The following INTS10 variants were observed in gnomAD, a reference collection of about 807,000 sequenced individuals.
INTS10 encodes the protein integrator complex subunit 10.
Under a neutral mutation model 94.4 loss-of-function variants are expected in INTS10, and 44 were observed. The ratio of observed to expected loss-of-function variants is 0.47; its 90% CI spans 0.37 to 0.60. The LOEUF is 0.60. Among genes scored for constraint, INTS10 ranks in the 20% least tolerant of loss-of-function variants. The pLI is 0.00. For missense variants in INTS10, 797 were observed against 868.7 expected (o/e 0.92, Z 1.04); for synonymous variants, 341 against 320.7 (o/e 1.06, Z -0.68).
At position 19,817,450 on chromosome 8, in the gene INTS10, G is replaced by T. The variant is rs975950208; in HGVS notation, c.-88G>T. The T allele has an allele frequency of 4.0e-6, 6 of 1,517,470 alleles. No homozygotes were observed. The highest frequency in any genetic ancestry group is 4.8e-5 in the East Asian group (2 of 41,790). 94.0% of individuals were successfully genotyped at this position (1,517,470 alleles called of 1,614,324 possible). A position where few individuals can be genotyped will look rare whatever the true frequency, so the allele number is the denominator to read the frequency against. ...CAGTAGCCTCCCCCGCGGTGGCGGC[G>T]GCGGCGGCGGTGGCTGCCGTGGCGG... On this transcript the variant is annotated 5_prime_UTR_variant, in exon 1 of 17. Coordinates refer to ENST00000397977, the MANE Select transcript of INTS10 (RefSeq NM_018142.4).
chr8:19,847,950 C>T lies in INTS10; in HGVS notation c.1976+2153C>T, dbSNP rs541809369. Among the ~76,000 whole-genome samples, 5 of 152,280 alleles carry T rather than the reference C, an allele frequency of 3.3e-5. No individual in the cohort carries two copies. The South Asian group carries it at 1.0e-3, about 32-fold the overall frequency. On this transcript the variant is annotated intron_variant, in intron 16 of 16. Transcript: ENST00000397977. ...TTCTAACTTTCTATAGAAGACAAGC[C>T]TCTTAGGAAGGCTGCAGTTTCATCA...
intron 12 of INTS10, among the ~76,000 whole-genome samples, chr8:19,835,425 G>C (rs186771536): frequency 4.6e-5 from 7 of 152,132 alleles, no homozygotes; most frequent in Admixed American, 4.6e-4. Context: ...GTTTGAGTTA[G>C]GGAAAAAAGT....
intron 12 of INTS10, among the ~76,000 whole-genome samples, chr8:19,835,384 A>G (rs1032506965): frequency 6.6e-6 from 1 of 152,088 alleles, no homozygotes; most frequent in Non-Finnish European, 1.5e-5. Context: ...GGGTGTGGGG[A>G]ATATGGGAAC....
chr8:19,831,902 ATCAAAG>A (rs2067254920), intron 10 of INTS10, 120 bp from the exon 11 acceptor site: 1 of 660,828 alleles, frequency 1.5e-6, no homozygotes, highest in Admixed American at 2.2e-5. Context: ...TGTGTTAGAA[ATCAAAG>A]TCAAAGTTAC....
intron 12 of INTS10, among the ~76,000 whole-genome samples, chr8:19,835,439 A>C (rs2067575179): frequency 6.6e-6 from 1 of 152,182 alleles, no homozygotes; most frequent in African/African-American, 2.4e-5. Context: ...AAAAAGTATA[A>C]GTGTTTGTAT....
intron 6 of INTS10, 28 bp downstream of exon 6, chr8:19,823,469 T>G (rs751735093): frequency 3.5e-6 from 5 of 1,443,710 alleles, no homozygotes; most frequent in Non-Finnish European, 3.9e-6. Context: ...GTACTTTTAC[T>G]TAAATAGGCT....
In INTS10 at chr8:19,851,016, T is replaced by C. The variant is rs1342344905; in HGVS notation, c.1977-633T>C. 1.3e-5 allele frequency among the ~76,000 whole-genome samples: 2 copies of C among 152,098 alleles called. No homozygotes were observed. The highest frequency in any genetic ancestry group is 4.8e-5 in the African/African-American group (2 of 41,404). ...CTCTCTCTCCTGACCTGTGCCACATTCTTGTGTCAGGACCCCACCTCCCGC... is the reference window on the plus strand; with the variant it reads ...CTCTCTCTCCTGACCTGTGCCACATCCTTGTGTCAGGACCCCACCTCCCGC... On this transcript the variant is annotated intron_variant, in intron 16 of 16. Transcript: ENST00000397977. The surrounding 1 kb of genome is among the most constrained non-coding windows in gnomAD (Gnocchi z 5.0).
In INTS10 at chr8:19,849,287, T is replaced by C. The variant is rs1216749827; in HGVS notation, c.1977-2362T>C. 1 of 971,176 alleles carries C rather than the reference T, an allele frequency of 1.0e-6. No individual in the cohort carries two copies. The highest frequency in any genetic ancestry group is 1.4e-5 in the South Asian group (1 of 73,758). The allele number at this position is 971,176 out of a possible 1,614,324, so 60.2% of individuals were successfully genotyped here. A position where few individuals can be genotyped will look rare whatever the true frequency, so the allele number is the denominator to read the frequency against. The stretch of plus-strand genomic sequence containing the variant: ...GCTCATAGTGTGCTGTTTGTCAACA[T>C]GTTCGCTGCCCATGGTTCTCAGCTC... On this transcript the variant is annotated intron_variant, in intron 16 of 16. Transcript: ENST00000397977. The surrounding 1 kb of genome is among the most constrained non-coding windows in gnomAD (Gnocchi z 4.6).
chr8:19,842,153 T>A (rs1440565087), intron 13 of INTS10, among the ~76,000 whole-genome samples: 1 of 152,178 alleles, frequency 6.6e-6, no homozygotes, highest in Non-Finnish European at 1.5e-5. Context: ...ATTGTAATAG[T>A]GAAAAATTGG....
At chr8:19,826,310 G>A (rs189077976) in intron 8 of INTS10, 116 bp from the exon 9 acceptor site, 15 of 1,049,330 alleles carry the variant, frequency 1.4e-5, no homozygotes, top group South Asian at 5.3e-5. Flanking sequence ...TTGAACTCCC[G>A]AGCTCAGGCA....
Position 19,837,151 on chromosome 8 carries a change from T to C in INTS10, c.1630T>C (p.Phe544Leu). The C allele has an allele frequency of 6.3e-7, 1 of 1,598,854 alleles. No homozygotes were observed. Among genetic ancestry groups the C allele is most frequent in the Non-Finnish European group, 8.6e-7 (1 of 1,166,138 alleles). The change falls in exon 13 of 17, where the codon TTT becomes CTT. Residue 544 changes from phenylalanine to leucine, a missense_variant. Transcript: ENST00000397977. ...GGAACCCTCGAAAGTAAAGCCCAAATTTAGAAAAGGTACAGTGACATGTTT... is the reference window on the plus strand; with the variant it reads ...GGAACCCTCGAAAGTAAAGCCCAAACTTAGAAAAGGTACAGTGACATGTTT... ...QEEPSKVKPK[F>L]RKGSDLKLLP...
At chr8:19,827,312 A>G (rs1332945161) in intron 9 of INTS10, among the ~76,000 whole-genome samples, 2 of 152,180 alleles carry the variant, frequency 1.3e-5, no homozygotes, top group East Asian at 1.9e-4. Context: ...GTCCCAGCCC[A>G]AACGAGTCTC....
intron 12 of INTS10, among the ~76,000 whole-genome samples, chr8:19,835,651 G>T (rs568188836): frequency 1.3e-5 from 2 of 152,248 alleles, no homozygotes; most frequent in East Asian, 3.9e-4. Flanking sequence ...ACATCGGTAG[G>T]TTACCTCATC....
In INTS10 at chr8:19,817,665, A is replaced by G; in HGVS notation, c.128A>G (p.Gln43Arg). 2 of 1,605,706 alleles carry G rather than the reference A, an allele frequency of 1.2e-6. No individual in the cohort carries two copies. The highest frequency in any genetic ancestry group is 1.3e-5 in the African/African-American group (1 of 74,846). The change falls in exon 1 of 17, where the codon CAG becomes CGG. Residue 43 changes from glutamine (Q) to arginine (R), a missense_variant and splice_region_variant. Gln to Arg is a conservative substitution (Grantham distance 43). Around this residue, in one of 3 missense-constraint regions of INTS10, gnomAD observed 734 missense variants for 787.8 expected, o/e 0.93. Coordinates refer to ENST00000397977, the MANE Select transcript of INTS10 (RefSeq NM_018142.4). ...RSLYPADFNI[Q>R]YEMYTIERNA... is the part of the protein sequence containing the mutation. ...CTCTACCCGGCAGACTTTAACATCC[A>G]GGTGAGGTCCCGGCTGTGCATGCGG...
chr8:19,836,242 A>C (rs918773134), intron 12 of INTS10, among the ~76,000 whole-genome samples: 1 of 151,168 alleles, frequency 6.6e-6, no homozygotes, highest in African/African-American at 2.4e-5. Context: ...AAAAAGCTCC[A>C]ATTCCTCCTC....
Position 19,823,932 on chromosome 8 carries a change from A to G in INTS10, c.724A>G (p.Ile242Val). The G allele has an allele frequency of 6.2e-7, 1 of 1,613,926 alleles. No homozygotes were observed. The highest frequency in any genetic ancestry group is 1.7e-5 in the Admixed American group (1 of 59,974). The change falls in exon 7 of 17, where the codon ATA (isoleucine) becomes GTA (valine). Residue 242 changes from isoleucine to valine, a missense_variant. Physicochemically the swap from Ile to Val is conservative, Grantham distance 29 (BLOSUM62 3). This residue lies in a region of INTS10 where 734 missense variants were observed against 787.8 expected (regional missense o/e 0.93). Transcript: ENST00000397977. ...PSKRSSQKYIIEGLTEKSSQI... is the reference protein window; with the variant it reads ...PSKRSSQKYIVEGLTEKSSQI... Reference sequence around the variant, plus strand: ...CAAACGTAGCTCTCAGAAGTACATAATAGAAGGGCTGACGGAAAAATCATC... The same window carrying G: ...CAAACGTAGCTCTCAGAAGTACATAGTAGAAGGGCTGACGGAAAAATCATC...
chr8:19,850,160 A>AG (rs1234097838), intron 16 of INTS10, among the ~76,000 whole-genome samples: 2 of 152,036 alleles, frequency 1.3e-5, no homozygotes, highest in East Asian at 3.9e-4. Context: ...AAAGAAAGAA[A>AG]AAAAAAGGAG....
chr8:19,844,090 A>G lies in INTS10; in HGVS notation c.1734A>G (p.Thr578=), dbSNP rs780431551. The G allele has an allele frequency of 1.3e-5, 21 of 1,601,006 alleles. No individual in the cohort carries two copies. Among genetic ancestry groups the G allele is most frequent in the Non-Finnish European group, 1.8e-5 (21 of 1,173,720 alleles). Residue 578 remains threonine, a synonymous_variant, in exon 15 of 17, where the codon ACA becomes ACG. Transcript: ENST00000397977. ...MLACFKLRAF[T]DNRDDMALGH... Reference sequence around the variant, plus strand: ...TTGTCTTGCAGCTTAGAGCTTTCACAGACAACAGAGACGACATGGCATTGG... The same window carrying G: ...TTGTCTTGCAGCTTAGAGCTTTCACGGACAACAGAGACGACATGGCATTGG...
intron 12 of INTS10, among the ~76,000 whole-genome samples, chr8:19,834,322 A>G (rs1265424234): frequency 2.6e-5 from 4 of 152,208 alleles, no homozygotes; most frequent in Non-Finnish European, 5.9e-5. Context: ...ACTTTGAAAT[A>G]TGATTACTAA....
Sources: gnomAD v4.1 joint callset for allele counts (sites outside exome capture counted in the v4.1 genomes callset) on GRCh38, gnomAD v4.1.1 for gene constraint, gnomAD v4.1.1 regional missense constraint, Gnocchi (gnomAD v3.1) non-coding constraint, MANE v1.5 for transcripts, NCBI Gene and HGNC (gene_info 2026-07-23, HGNC 2026-07-21) for gene names.